EYS: variants seen among roughly 807,000 people sequenced by gnomAD.
EYS encodes EGF-like photoreceptor maintenance factor.
A neutral mutation model predicts 282.1 loss-of-function variants in EYS; 250 were observed. That is an observed-to-expected ratio of 0.89 (90% confidence interval 0.80 to 0.98). EYS has a LOEUF of 0.98. Among genes scored for constraint, EYS ranks in the 50% least tolerant of loss-of-function variants. The pLI, the probability that EYS is intolerant of heterozygous loss-of-function variation, is 0.00. For missense variants in EYS, 4,016 were observed against 3,709.0 expected, an observed-to-expected ratio of 1.08 and a Z score of -2.15; for synonymous variants, 1,355 against 1,282.9, an observed-to-expected ratio of 1.06 and a Z score of -1.20.
In EYS at chr6:65,369,547, T is replaced by C. The variant is rs575959339; in HGVS notation, c.1299+14839A>G. Among the ~76,000 whole-genome samples the C allele has an allele frequency of 1.5e-3, 224 of 151,220 alleles. 1 individual carries two copies. Among genetic ancestry groups the C allele is most frequent in the African/African-American group, 5.3e-3 (218 of 41,378 alleles). On this transcript the variant is annotated intron_variant, in intron 8 of 42. Transcript: ENST00000503581. ...CAGTTTTTCTTTTGTAAGTCTGGGG[T>C]TCTCTAACTTTCATAAAGTTGTATG...
intron 35 of EYS, among the ~76,000 whole-genome samples, chr6:63,938,180 A>T (rs190595540): frequency 6.6e-6 from 1 of 152,358 alleles, no homozygotes; most frequent in East Asian, 1.9e-4. Flanking sequence ...TCAAGTACCT[A>T]GCCAACCTCA....
At position 65,221,120 on chromosome 6, in the gene EYS, A is replaced by C. The variant is rs529292160; in HGVS notation, c.2023+74743T>G. ...GAACTTATATTTAAAAGGCAAGTAG[A>C]GCATAAAAGTTCATAAACTTTGCAG... On this transcript the variant is annotated intron_variant, in intron 12 of 42. Transcript: ENST00000503581. 1.2e-3 allele frequency among the ~76,000 whole-genome samples: 187 copies of C among 152,348 alleles called. 1 individual carries two copies. Among genetic ancestry groups the C allele is most frequent in the Middle Eastern group, 6.8e-3 (2 of 294 alleles).
At chr6:64,495,981 C>A (rs762263141) in intron 26 of EYS, among the ~76,000 whole-genome samples, 5 of 151,796 alleles carry the variant, frequency 3.3e-5, no homozygotes, top group Non-Finnish European at 7.4e-5. Context: ...ATTTACTCTT[C>A]TTAACATATT....
intron 1 of EYS, among the ~76,000 whole-genome samples, chr6:65,651,563 C>T (rs1015518150): frequency 1.9e-4 from 29 of 152,052 alleles, no homozygotes; most frequent in African/African-American, 7.0e-4. Context: ...TTTTTAAAAG[C>T]ATAAGACATC....
intron 30 of EYS, among the ~76,000 whole-genome samples, chr6:64,281,059 A>T: frequency 6.6e-6 from 1 of 152,124 alleles, no homozygotes; most frequent in East Asian, 1.9e-4. Flanking sequence ...AGGACAATGT[A>T]TGTTTCTGCT....
At chr6:64,866,060 ACTT>A (rs1447913231) in intron 19 of EYS, among the ~76,000 whole-genome samples, 201 of 152,156 alleles carry the variant, frequency 1.3e-3, no homozygotes, top group African/African-American at 4.4e-3. Flanking sequence ...ACCAGAAACT[ACTT>A]CTTGTCTATT....
intron 12 of EYS, among the ~76,000 whole-genome samples, chr6:65,247,077 T>G (rs919882765): frequency 6.6e-6 from 1 of 152,084 alleles, no homozygotes; most frequent in East Asian, 1.9e-4. Flanking sequence ...TTTTAAAATA[T>G]GTATTTCAAA....
chr6:64,286,303 T>A (rs1195595789), intron 30 of EYS, among the ~76,000 whole-genome samples: 1 of 152,144 alleles, frequency 6.6e-6, no homozygotes, highest in Non-Finnish European at 1.5e-5. Flanking sequence ...AAACTTTAAA[T>A]GCTGAGGGAT....
rs1448367543 is a variant in EYS at position 64,591,033 on chromosome 6, A to G, written c.4834T>C (p.Ser1612Pro). ...GATGGTGTTATTTCAGTAGCAGAAGAAAATGAATGCCCAGAAGTGATAGTT... is the reference window on the plus strand; with the variant it reads ...GATGGTGTTATTTCAGTAGCAGAAGGAAATGAATGCCCAGAAGTGATAGTT... ...AQTITSGHSF[S>P]SATEITPSVA... The change falls in exon 26 of 43, where the codon TCT (serine) becomes CCT (proline). Residue 1612 changes from serine to proline, a missense_variant. Coordinates refer to ENST00000503581, the MANE Select transcript of EYS (RefSeq NM_001142800.2). The G allele has an allele frequency of 1.9e-6, 3 of 1,551,216 alleles. No homozygotes were observed. The highest frequency in any genetic ancestry group is 2.6e-6 in the Non-Finnish European group (3 of 1,146,786).
At chr6:65,513,875 T>G (rs1466295035) in intron 2 of EYS, among the ~76,000 whole-genome samples, 1 of 152,166 alleles carries the variant, frequency 6.6e-6, no homozygotes. Context: ...CTTTGAAAAC[T>G]GGCACAAGAC....
intron 20 of EYS, among the ~76,000 whole-genome samples, chr6:64,822,148 C>A (rs375470062): frequency 6.6e-6 from 1 of 151,966 alleles, no homozygotes. Flanking sequence ...TTCTTTGCCA[C>A]CTGCATCTTC....
At position 63,726,632 on chromosome 6, in the gene EYS, A is replaced by G; in HGVS notation, c.8120T>C (p.Met2707Thr). Residue 2707 changes from methionine to threonine, a missense_variant, in exon 42 of 43, where the codon ATG becomes ACG. Physicochemically the swap from Met to Thr is moderately conservative, Grantham distance 81. Transcript: ENST00000503581. Reference protein sequence around the residue: ...PSFRSNELSWMSFASFHVRKK... With the variant: ...PSFRSNELSWTSFASFHVRKK... ...TCGAACATGAAAGGAAGCAAAAGAC[A>G]TCCAGGATAACTCATTGCTTCTGAA... 1 of 1,551,402 alleles carries G rather than the reference A, an allele frequency of 6.4e-7. No individual in the cohort carries two copies. The highest frequency in any genetic ancestry group is 8.7e-7 in the Non-Finnish European group (1 of 1,146,764).
At chr6:64,946,886 A>G (rs1769303121) in intron 14 of EYS, among the ~76,000 whole-genome samples, 1 of 151,956 alleles carries the variant, frequency 6.6e-6, no homozygotes, top group Non-Finnish European at 1.5e-5. Context: ...ATTTCAATTA[A>G]TTTCATTTAT....
At chr6:64,008,936 A>G (rs184510532) in intron 33 of EYS, among the ~76,000 whole-genome samples, 1 of 152,200 alleles carries the variant, frequency 6.6e-6, no homozygotes. Context: ...TCTGACGACT[A>G]TGTGTTTTGA....
intron 31 of EYS, among the ~76,000 whole-genome samples, chr6:64,167,008 C>G (rs1324711928): frequency 2.0e-5 from 3 of 152,194 alleles, no homozygotes; most frequent in Admixed American, 6.5e-5. Context: ...CACGTGCACA[C>G]AAATAGGTTA....
chr6:63,880,815 C>G (rs1183030547), intron 35 of EYS, among the ~76,000 whole-genome samples: 4 of 152,134 alleles, frequency 2.6e-5, no homozygotes, highest in African/African-American at 7.2e-5. Context: ...TTTGCAACTT[C>G]TTTGCACTGG....
At chr6:64,903,897 T>C (rs975136610) in intron 16 of EYS, among the ~76,000 whole-genome samples, 1 of 152,026 alleles carries the variant, frequency 6.6e-6, no homozygotes, top group African/African-American at 2.4e-5. Context: ...CGGTAGTATA[T>C]AATATGGAAA....
intron 12 of EYS, among the ~76,000 whole-genome samples, chr6:65,075,782 A>G (rs779889909): frequency 6.6e-6 from 1 of 152,042 alleles, no homozygotes; most frequent in Non-Finnish European, 1.5e-5. Context: ...AGAATTGTTA[A>G]CATGTCAATT....
intron 12 of EYS, among the ~76,000 whole-genome samples, chr6:65,187,898 T>C (rs1484860711): frequency 2.0e-5 from 3 of 151,728 alleles, no homozygotes; most frequent in Non-Finnish European, 4.4e-5. Flanking sequence ...GAAATTAAAG[T>C]AACTTGAAAC....
Sources: allele counts gnomAD v4.1 joint callset (sites outside exome capture counted in the v4.1 genomes callset), GRCh38; gene constraint gnomAD v4.1.1; transcripts MANE v1.5; gene names NCBI Gene and HGNC (gene_info 2026-07-23, HGNC 2026-07-21).